The following PCED1B variants were observed in gnomAD, a reference collection of about 807,000 sequenced individuals.
PCED1B encodes the protein PC-esterase domain-containing protein 1B.
For missense variants in PCED1B, 573 were observed against 573.9 expected, an observed-to-expected ratio of 1.00 and a Z score of 0.02; for synonymous variants, 251 against 246.1, an observed-to-expected ratio of 1.02 and a Z score of -0.19.
At chr12:47,162,147 G>A (rs1205941248) in intron 2 of PCED1B, among the ~76,000 whole-genome samples, 2 of 151,856 alleles carry the variant, frequency 1.3e-5, no homozygotes, top group African/African-American at 4.8e-5. Context: ...AGCATTAGGA[G>A]ATATACCTAA....
intron 2 of PCED1B, among the ~76,000 whole-genome samples, chr12:47,166,388 T>C (rs992211630): frequency 2.0e-5 from 3 of 152,204 alleles, no homozygotes; most frequent in Non-Finnish European, 4.4e-5. Flanking sequence ...TCCATACTGG[T>C]TTGTCTTTAT....
chr12:47,129,894 A>G (rs1940051872), intron 2 of PCED1B, among the ~76,000 whole-genome samples: 1 of 152,248 alleles, frequency 6.6e-6, no homozygotes, highest in African/African-American at 2.4e-5. Flanking sequence ...CATGGCTTCA[A>G]ATGAAGAAAA....
At chr12:47,193,483 T>A (rs1406157096) in intron 2 of PCED1B, among the ~76,000 whole-genome samples, 1 of 152,154 alleles carries the variant, frequency 6.6e-6, no homozygotes, top group African/African-American at 2.4e-5. Context: ...CCATGGTAAT[T>A]CAGATTACTG....
chr12:47,116,104 A>G (rs1313409331), intron 2 of PCED1B, among the ~76,000 whole-genome samples: 1 of 152,220 alleles, frequency 6.6e-6, no homozygotes, highest in East Asian at 1.9e-4. Context: ...TCAAAATATG[A>G]TGGTTACTTT....
chr12:47,183,791 C>T (rs531069950), intron 2 of PCED1B, among the ~76,000 whole-genome samples: 1 of 152,322 alleles, frequency 6.6e-6, no homozygotes, highest in African/African-American at 2.4e-5. Flanking sequence ...AGACTTCCTG[C>T]ACTCGTAAAC....
intron 2 of PCED1B, chr12:47,208,380 GC>G (rs1942973750): frequency 6.6e-6 from 1 of 152,230 alleles, no homozygotes; most frequent in South Asian, 2.1e-4. Context: ...AGTATAGCAC[GC>G]ACCACCACCC....
At chr12:47,154,165 A>G (rs1264002860) in intron 2 of PCED1B, among the ~76,000 whole-genome samples, 2 of 152,232 alleles carry the variant, frequency 1.3e-5, no homozygotes, top group African/African-American at 4.8e-5. Flanking sequence ...ATGAAACAGT[A>G]GCAGGCTAAT....
At chr12:47,081,711 G>C (rs958915916) in intron 1 of PCED1B, among the ~76,000 whole-genome samples, 2 of 152,100 alleles carry the variant, frequency 1.3e-5, no homozygotes, top group African/African-American at 4.8e-5. Context: ...AATTAAAATC[G>C]CTCAGAGGAA....
At chr12:47,139,809 A>C (rs1940523682) in intron 2 of PCED1B, among the ~76,000 whole-genome samples, 1 of 152,040 alleles carries the variant, frequency 6.6e-6, no homozygotes, top group African/African-American at 2.4e-5. Context: ...ATGATGTGGC[A>C]TGTGTATAGC....
At chr12:47,194,084 G>A (rs1205046598) in intron 2 of PCED1B, among the ~76,000 whole-genome samples, 2 of 152,154 alleles carry the variant, frequency 1.3e-5, no homozygotes, top group Non-Finnish European at 2.9e-5. Flanking sequence ...AGGAGTGGCC[G>A]CTTGCCCTTT....
chr12:47,229,062 G>A (rs1392667145), intron 3 of PCED1B, among the ~76,000 whole-genome samples: 1 of 151,768 alleles, frequency 6.6e-6, no homozygotes, highest in Non-Finnish European at 1.5e-5. Context: ...GATTAACCTG[G>A]TATTTTGAAA....
At chr12:47,107,044 A>G (rs566247708) in intron 2 of PCED1B, among the ~76,000 whole-genome samples, 2 of 152,292 alleles carry the variant, frequency 1.3e-5, no homozygotes, top group Admixed American at 1.3e-4. Flanking sequence ...GGGCTCAAGC[A>G]TAGGAAGTCC....
At chr12:47,136,827 A>G (rs1940392161) in intron 2 of PCED1B, among the ~76,000 whole-genome samples, 1 of 152,194 alleles carries the variant, frequency 6.6e-6, no homozygotes, top group African/African-American at 2.4e-5. Flanking sequence ...ATATACTAGA[A>G]GACAAGTCAT....
At chr12:47,201,323 G>C in intron 2 of PCED1B, among the ~76,000 whole-genome samples, 1 of 148,960 alleles carries the variant, frequency 6.7e-6, no homozygotes, top group African/African-American at 2.6e-5. Flanking sequence ...TGCGAATATA[G>C]CTTGCCACAG....
At chr12:47,136,288 C>T (rs570973870) in intron 2 of PCED1B, among the ~76,000 whole-genome samples, 25 of 152,176 alleles carry the variant, frequency 1.6e-4, no homozygotes, top group Admixed American at 5.2e-4. Context: ...AGAAAATTAG[C>T]CTGTCCACCT....
In PCED1B at chr12:47,236,202, C is replaced by T; in HGVS notation, c.1139C>T (p.Pro380Leu). 1 of 1,614,154 alleles carries T rather than the reference C, an allele frequency of 6.2e-7. No individual in the cohort carries two copies. The highest frequency in any genetic ancestry group is 1.1e-5 in the South Asian group (1 of 91,088). The stretch of plus-strand genomic sequence containing the variant: ...AATTTTATGGTTGGTCCTCAGCTGC[C>T]TATGCCCTTCTTCCCCACACCCCGT... Reference protein sequence around the residue: ...EDNFMVGPQLPMPFFPTPRYQ... With the variant: ...EDNFMVGPQLLMPFFPTPRYQ... The change falls in exon 4 of 4, where the codon CCT becomes CTT. Residue 380 changes from proline to leucine, a missense_variant. Physicochemically the swap from Pro to Leu is moderately conservative, Grantham distance 98 (BLOSUM62 -3). Transcript: ENST00000546455.
chr12:47,134,878 T>A (rs1242922879), intron 2 of PCED1B, among the ~76,000 whole-genome samples: 2 of 152,150 alleles, frequency 1.3e-5, no homozygotes, highest in African/African-American at 4.8e-5. Context: ...AAAAGATATA[T>A]ACATGCATAT....
Position 47,155,154 on chromosome 12 carries a change from C to A in PCED1B, c.-526+50959C>A, listed in dbSNP as rs1033483110. ...TTGCCATGAATCTTATCTTTTCTGT[C>A]AGAGATTTATTGCATAGAAATTGTA... is the stretch of plus-strand genomic sequence containing the variant. On this transcript the variant is annotated intron_variant, in intron 2 of 3. Coordinates refer to ENST00000546455, the MANE Select transcript of PCED1B (RefSeq NM_138371.3). 6.6e-5 allele frequency among the ~76,000 whole-genome samples: 10 copies of A among 152,250 alleles called. No individual in the cohort carries two copies. The South Asian group carries it at 2.1e-3, about 32-fold the overall frequency.
At chr12:47,086,848 A>G (rs972824753) in intron 1 of PCED1B, among the ~76,000 whole-genome samples, 4 of 152,220 alleles carry the variant, frequency 2.6e-5, no homozygotes, top group Admixed American at 6.5e-5. Flanking sequence ...TGAAGCATTC[A>G]GAGTCCTATT....
Sources: allele counts gnomAD v4.1 joint callset (sites outside exome capture counted in the v4.1 genomes callset), GRCh38; gene constraint gnomAD v4.1.1; transcripts MANE v1.5; gene names NCBI Gene and HGNC (gene_info 2026-07-23, HGNC 2026-07-21).